The following SIPA1L1 variants were observed in gnomAD, a reference collection of about 807,000 sequenced individuals.
SIPA1L1 encodes the protein signal-induced proliferation-associated 1-like protein 1.
A neutral mutation model predicts 162.7 loss-of-function variants in SIPA1L1; 26 were observed. The ratio of observed to expected loss-of-function variants is 0.16; its 90% CI spans 0.12 to 0.22. The LOEUF (loss-of-function observed/expected upper bound fraction) is 0.22. SIPA1L1 is among the 10% of genes least tolerant of loss of function. The probability of loss-of-function intolerance (pLI) is 1.00; values close to 1 mark genes in which losing one functional copy is unlikely to be tolerated. For missense variants in SIPA1L1, 1,874 were observed against 2,241.0 expected (o/e 0.84, Z 3.31); for synonymous variants, 829 against 837.4 (o/e 0.99, Z 0.17).
intron 4 of SIPA1L1, among the ~76,000 whole-genome samples, chr14:71,534,056 C>A (rs1384210937): frequency 2.0e-5 from 3 of 150,766 alleles, no homozygotes; most frequent in African/African-American, 7.3e-5. Context: ...GAGACCCCAT[C>A]TCTACAAAAA....
At chr14:71,610,144 G>A (rs1191822985) in intron 5 of SIPA1L1, among the ~76,000 whole-genome samples, 1 of 152,130 alleles carries the variant, frequency 6.6e-6, no homozygotes, top group Admixed American at 6.5e-5. Context: ...TTCTATTGGT[G>A]TCAAAGTCAC....
intron 2 of SIPA1L1, among the ~76,000 whole-genome samples, chr14:71,389,397 T>C (rs1206316449): frequency 6.6e-6 from 1 of 152,204 alleles, no homozygotes; most frequent in Non-Finnish European, 1.5e-5. Context: ...TTGCCACCTT[T>C]GACTAGTTAA....
In SIPA1L1 at chr14:71,351,368, A is replaced by G. The variant is rs1020823735; in HGVS notation, c.-465+30187A>G. Reference sequence around the variant, plus strand: ...TACATGGAGATAGTTGAAAATTTCTACATTTAGGACTCAACACTAAAGGTA... The same window carrying G: ...TACATGGAGATAGTTGAAAATTTCTGCATTTAGGACTCAACACTAAAGGTA... On this transcript the variant is annotated intron_variant, in intron 2 of 23. Transcript: ENST00000381232. Among the ~76,000 whole-genome samples the G allele has an allele frequency of 5.3e-5, 8 of 152,224 alleles. No homozygotes were observed. The East Asian group carries it at 1.5e-3, about 29-fold the overall frequency.
Position 71,730,155 on chromosome 14 carries a change from A to T in SIPA1L1, c.4715A>T (p.Gln1572Leu). ...TLSDESIYNS[Q>L]REHFFTSRAS... ...TCGGACGAGAGCATTTACAATAGCCAGAGGGAGCACTTTTTCACCTCCAGG... is the reference window on the plus strand; with the variant it reads ...TCGGACGAGAGCATTTACAATAGCCTGAGGGAGCACTTTTTCACCTCCAGG... The change falls in exon 20 of 24, where the codon CAG (glutamine) becomes CTG (leucine). Residue 1572 changes from glutamine (Q) to leucine (L), a missense_variant. This residue lies in a region of SIPA1L1 where 936 missense variants were observed against 1,051.9 expected (regional missense o/e 0.89). Coordinates refer to ENST00000381232, the MANE Select transcript of SIPA1L1 (RefSeq NM_001386936.1). The T allele has an allele frequency of 6.2e-7, 1 of 1,614,188 alleles. No individual in the cohort carries two copies.
At chr14:71,389,804 G>A (rs1040882256) in intron 2 of SIPA1L1, among the ~76,000 whole-genome samples, 2 of 152,074 alleles carry the variant, frequency 1.3e-5, no homozygotes, top group East Asian at 1.9e-4. Flanking sequence ...CCCTTTCCTC[G>A]GTCTGACATG....
intron 2 of SIPA1L1, among the ~76,000 whole-genome samples, chr14:71,480,700 T>G (rs1186930126): frequency 6.6e-6 from 1 of 151,986 alleles, no homozygotes; most frequent in Non-Finnish European, 1.5e-5. Context: ...AGGCGGAGTT[T>G]GAAGTGAGCC....
At chr14:71,679,131 T>C (rs1349695285) in intron 12 of SIPA1L1, among the ~76,000 whole-genome samples, 2 of 152,036 alleles carry the variant, frequency 1.3e-5, no homozygotes, top group Non-Finnish European at 2.9e-5. Flanking sequence ...AGACACATAA[T>C]TGTCAGATTC....
At chr14:71,452,363 G>A (rs2045894707) in intron 2 of SIPA1L1, among the ~76,000 whole-genome samples, 1 of 152,146 alleles carries the variant, frequency 6.6e-6, no homozygotes, top group South Asian at 2.1e-4. Flanking sequence ...TCGTATATAG[G>A]AAGGATAATT....
At chr14:71,729,678 G>A (rs374954353) in intron 19 of SIPA1L1, among the ~76,000 whole-genome samples, 8 of 152,118 alleles carry the variant, frequency 5.3e-5, no homozygotes, top group East Asian at 1.9e-4. Flanking sequence ...TTGTGCTCCC[G>A]TTGTACAAAT....
chr14:71,587,909 C>G lies in SIPA1L1; in HGVS notation c.37C>G (p.Leu13Val). The change falls in exon 5 of 24, where the codon CTT (leucine) becomes GTT (valine). Residue 13 changes from leucine to valine, a missense_variant. Physicochemically the swap from Leu to Val is conservative, Grantham distance 32. Transcript: ENST00000381232. ...SLKRSQTERP[L>V]ATDRASVVGT... ...GAAACGGTCACAGACAGAAAGGCCT[C>G]TTGCCACTGACAGGGCCTCTGTTGT... The G allele has an allele frequency of 1.9e-6, 3 of 1,612,176 alleles. No homozygotes were observed. Among genetic ancestry groups the G allele is most frequent in the Non-Finnish European group, 2.5e-6 (3 of 1,178,324 alleles).
At chr14:71,453,351 C>A (rs1197504675) in intron 2 of SIPA1L1, among the ~76,000 whole-genome samples, 1 of 152,120 alleles carries the variant, frequency 6.6e-6, no homozygotes, top group East Asian at 1.9e-4. Context: ...GCAGCCTTGA[C>A]CTCCCGGGCT....
At chr14:71,580,756 C>T (rs570194083) in intron 4 of SIPA1L1, among the ~76,000 whole-genome samples, 42 of 152,132 alleles carry the variant, frequency 2.8e-4, no homozygotes, top group African/African-American at 9.4e-4. Context: ...AGTATTTAAA[C>T]GTGTGGTCAT....
chr14:71,370,635 G>T (rs2038799988), intron 2 of SIPA1L1, among the ~76,000 whole-genome samples: 1 of 152,128 alleles, frequency 6.6e-6, no homozygotes, highest in South Asian at 2.1e-4. Context: ...TGTACTAAGA[G>T]CATACATTAT....
At chr14:71,668,882 G>A (rs1005116359) in intron 10 of SIPA1L1, among the ~76,000 whole-genome samples, 2 of 152,174 alleles carry the variant, frequency 1.3e-5, no homozygotes, top group Non-Finnish European at 2.9e-5. Context: ...ACCAAGAACC[G>A]TTTATAATTA....
intron 5 of SIPA1L1, among the ~76,000 whole-genome samples, chr14:71,618,193 G>C (rs539016469): frequency 1.3e-5 from 2 of 152,294 alleles, no homozygotes; most frequent in African/African-American, 4.8e-5. Flanking sequence ...AGAGCCCTGG[G>C]TCCTGCCTCC....
intron 2 of SIPA1L1, among the ~76,000 whole-genome samples, chr14:71,434,017 C>G (rs2044195307): frequency 6.6e-6 from 1 of 152,228 alleles, no homozygotes; most frequent in Admixed American, 6.5e-5. Flanking sequence ...CTTTGCTTTT[C>G]TCTTCCATGT....
At chr14:71,615,778 G>A (rs549207861) in intron 5 of SIPA1L1, among the ~76,000 whole-genome samples, 4 of 152,126 alleles carry the variant, frequency 2.6e-5, no homozygotes, top group Non-Finnish European at 5.9e-5. Flanking sequence ...AGGCCAAGGC[G>A]GGCAGATCAC....
At chr14:71,584,828 T>C (rs2034382909) in intron 4 of SIPA1L1, among the ~76,000 whole-genome samples, 1 of 152,136 alleles carries the variant, frequency 6.6e-6, no homozygotes, top group South Asian at 2.1e-4. Flanking sequence ...CAGATGGAGG[T>C]GACATGCTGT....
intron 16 of SIPA1L1, 93 bp downstream of exon 16, chr14:71,705,433 CAA>C: frequency 3.2e-6 from 3 of 929,776 alleles, no homozygotes; most frequent in Non-Finnish European, 5.2e-6. Flanking sequence ...TCTGCATGGC[CAA>C]AGAGGAAATC....
Sources: allele counts gnomAD v4.1 joint callset (sites outside exome capture counted in the v4.1 genomes callset), GRCh38; gene constraint gnomAD v4.1.1; regional missense constraint gnomAD v4.1.1; transcripts MANE v1.5; gene names NCBI Gene and HGNC (gene_info 2026-07-23, HGNC 2026-07-21).